The following PRRX1 variants were observed in gnomAD, a reference collection of about 807,000 sequenced individuals.
PRRX1 encodes the protein paired related homeobox 1, also known as paired mesoderm homeobox protein 1.
PRRX1 carries 8 observed loss-of-function variants against 24.0 expected under a neutral mutation model. That is an observed-to-expected ratio of 0.33 (90% CI 0.20 to 0.60). PRRX1 has a LOEUF of 0.60. PRRX1 is among the 20% of genes least tolerant of loss of function. The pLI is 0.82. For missense variants in PRRX1, 281 were observed against 322.4 expected (o/e 0.87, Z 0.98); for synonymous variants, 160 against 131.7 (o/e 1.22, Z -1.47).
intron 1 of PRRX1, among the ~76,000 whole-genome samples, chr1:170,691,312 G>T (rs1174553690): frequency 6.6e-6 from 1 of 152,224 alleles, no homozygotes; most frequent in East Asian, 1.9e-4. Context: ...TTTAGAAACT[G>T]TTGATGGATT....
chr1:170,687,193 A>C (rs1053640741), intron 1 of PRRX1, among the ~76,000 whole-genome samples: 7 of 152,312 alleles, frequency 4.6e-5, no homozygotes, highest in Admixed American at 3.3e-4. Flanking sequence ...AACACGAAAC[A>C]GGCAATTTCC....
chr1:170,722,162 G>C (rs940656875), intron 2 of PRRX1, among the ~76,000 whole-genome samples: 8 of 152,024 alleles, frequency 5.3e-5, no homozygotes, highest in Non-Finnish European at 1.2e-4. Flanking sequence ...CTCCCTTCAT[G>C]ACTTCATTCT....
Position 170,664,198 on chromosome 1 carries a change from G to A in PRRX1, c.-21G>A. On this transcript the variant is annotated 5_prime_UTR_variant, in exon 1 of 4. It adds an upstream start codon to the 5' untranslated region. Coordinates refer to ENST00000239461, the MANE Select transcript of PRRX1 (RefSeq NM_022716.4). ...GATTCGAGCGGGAAGAGGGGGGTGG[G>A]TGGGATCGGTGGGGGAGACCATGAC... 6.9e-6 allele frequency: 11 copies of A among 1,602,604 alleles called. No homozygotes were observed. The highest frequency in any genetic ancestry group is 9.4e-6 in the Non-Finnish European group (11 of 1,174,872).
At chr1:170,675,541 C>A (rs1336630122) in intron 1 of PRRX1, among the ~76,000 whole-genome samples, 1 of 151,934 alleles carries the variant, frequency 6.6e-6, no homozygotes, top group East Asian at 1.9e-4. Flanking sequence ...TTTCTTTATA[C>A]CTTTTAGAGG....
chr1:170,687,040 C>T (rs534388459), intron 1 of PRRX1, among the ~76,000 whole-genome samples: 8 of 134,180 alleles, frequency 6.0e-5, no homozygotes, highest in African/African-American at 2.2e-4. Context: ...CCTCAGAGTA[C>T]CACAAGGTTA....
At chr1:170,684,120 A>G (rs1653650129) in intron 1 of PRRX1, among the ~76,000 whole-genome samples, 1 of 152,182 alleles carries the variant, frequency 6.6e-6, no homozygotes, top group Non-Finnish European at 1.5e-5. Flanking sequence ...TGATTTTAAC[A>G]TATCTGCTCC....
intron 1 of PRRX1, chr1:170,667,692 C>T (rs994856299): frequency 6.6e-6 from 1 of 152,180 alleles, no homozygotes; most frequent in Non-Finnish European, 1.5e-5. Flanking sequence ...AACCAGGAGT[C>T]TGGCGCTCTT....
chr1:170,675,279 G>A (rs563550919), intron 1 of PRRX1, among the ~76,000 whole-genome samples: 2 of 152,268 alleles, frequency 1.3e-5, no homozygotes, highest in Non-Finnish European at 2.9e-5. Context: ...CTTTTGAAAT[G>A]GGAAAAGCCT....
chr1:170,697,339 A>T lies in PRRX1; in HGVS notation c.242-22387A>T, dbSNP rs577240153. On this transcript the variant is annotated intron_variant, in intron 1 of 3. Coordinates refer to ENST00000239461, the MANE Select transcript of PRRX1 (RefSeq NM_022716.4). ...CTCCCTTGAAGGGTTATAATATTGC[A>T]TGTGTAAAAGTTTTATAAATACATA... Among the ~76,000 whole-genome samples the T allele has an allele frequency of 3.9e-5, 6 of 152,292 alleles. No homozygotes were observed. In the East Asian group the frequency reaches 1.2e-3, roughly 29 times the overall value.
intron 1 of PRRX1, among the ~76,000 whole-genome samples, chr1:170,697,078 A>G (rs1014177330): frequency 4.6e-5 from 7 of 152,184 alleles, no homozygotes; most frequent in African/African-American, 1.7e-4. Context: ...GGGGCCTCAT[A>G]CATGAATAGA....
chr1:170,689,371 G>A (rs1326295219), intron 1 of PRRX1, among the ~76,000 whole-genome samples: 1 of 152,094 alleles, frequency 6.6e-6, no homozygotes, highest in Non-Finnish European at 1.5e-5. Flanking sequence ...CAGGCTAAAT[G>A]ATATCATAGT....
At chr1:170,717,493 A>C (rs2101915752) in intron 1 of PRRX1, among the ~76,000 whole-genome samples, 1 of 152,374 alleles carries the variant, frequency 6.6e-6, no homozygotes, top group East Asian at 1.9e-4. Flanking sequence ...TCTTTGAGAG[A>C]AGAAAACAAG....
intron 3 of PRRX1, chr1:170,730,551 T>A: frequency 1.8e-6 from 1 of 554,334 alleles, no homozygotes; most frequent in Admixed American, 3.1e-5. Context: ...AGCAGGGCTC[T>A]TCAGAGATTG....
At chr1:170,664,091 C>CTCTCTCTCTCTCTCTG (rs1652822942), upstream of PRRX1, 1 of 882,832 alleles carries the variant, frequency 1.1e-6, no homozygotes, top group African/African-American at 1.7e-5. Context: ...CTTCCTCCCT[C>CTCTCTCTCTCTCTCTG]TCTCTCTCTC....
chr1:170,735,988 C>A, intron 3 of PRRX1, 60 bp from the exon 4 acceptor site: 1 of 1,605,730 alleles, frequency 6.2e-7, no homozygotes, highest in Non-Finnish European at 8.5e-7. Flanking sequence ...GGGGCACAGA[C>A]TTGCAGCTTT....
chr1:170,728,570 TTC>T (rs1329616073), intron 3 of PRRX1: 1 of 152,206 alleles, frequency 6.6e-6, no homozygotes, highest in Non-Finnish European at 1.5e-5. Flanking sequence ...TTTATATCAT[TTC>T]TCTCTTAGAA....
chr1:170,721,688 A>G (rs1403241085), intron 2 of PRRX1, among the ~76,000 whole-genome samples: 1 of 152,216 alleles, frequency 6.6e-6, no homozygotes, highest in East Asian at 1.9e-4. Context: ...AGAGTGACCC[A>G]TAGAGACAAT....
Position 170,717,213 on chromosome 1 carries a change from T to C in PRRX1, c.242-2513T>C, listed in dbSNP as rs118139703. ...TTGCTGGAATTGCTTCAGGTCATCA[T>C]AGCTATTTATTCCCTGTCATAAACT... On this transcript the variant is annotated intron_variant, in intron 1 of 3. Coordinates refer to ENST00000239461, the MANE Select transcript of PRRX1 (RefSeq NM_022716.4). Among the ~76,000 whole-genome samples the C allele has an allele frequency of 3.1e-4, 47 of 152,350 alleles. No homozygotes were observed. The East Asian group carries it at 7.3e-3, about 24-fold the overall frequency.
At chr1:170,723,136 T>A (rs1207257449) in intron 2 of PRRX1, among the ~76,000 whole-genome samples, 1 of 152,214 alleles carries the variant, frequency 6.6e-6, no homozygotes, top group Non-Finnish European at 1.5e-5. Context: ...ACATTTAAGA[T>A]GATAGCTCTA....
Sources: gnomAD v4.1 joint callset for allele counts (sites outside exome capture counted in the v4.1 genomes callset) on GRCh38, gnomAD v4.1.1 for gene constraint, MANE v1.5 for transcripts, NCBI Gene and HGNC (gene_info 2026-07-23, HGNC 2026-07-21) for gene names.